The following CYP2F1 variants were observed in gnomAD, a reference collection of about 807,000 sequenced individuals.
CYP2F1 encodes cytochrome P450 2F1.
A neutral mutation model predicts 40.4 loss-of-function variants in CYP2F1; 33 were observed. That is an observed-to-expected ratio of 0.82 (90% CI 0.62 to 1.09). CYP2F1 has a LOEUF of 1.09. Among genes scored for constraint, CYP2F1 ranks in the 50% least tolerant of loss-of-function variants. The pLI, the probability that CYP2F1 is intolerant of heterozygous loss-of-function variation, is 0.00. For synonymous variants in CYP2F1, 235 were observed against 277.2 expected, an observed-to-expected ratio of 0.85 and a Z score of 1.51; for missense variants, 566 against 655.7, an observed-to-expected ratio of 0.86 and a Z score of 1.49.
At chr19:41,124,574 A>T in intron 7 of CYP2F1, 145 bp from the exon 8 acceptor site, 1 of 731,754 alleles carries the variant, frequency 1.4e-6, no homozygotes, top group Non-Finnish European at 2.2e-6. Flanking sequence ...GCTCTAGCTA[A>T]TTCTCACGTG....
intron 7 of CYP2F1, among the ~76,000 whole-genome samples, chr19:41,123,698 A>AT (rs2032366955): frequency 6.6e-6 from 1 of 151,616 alleles, no homozygotes; most frequent in Admixed American, 6.6e-5. Context: ...CTAATTTTTT[A>AT]TTTTTTGTAG....
At chr19:41,119,723 C>CTCTATATATA (rs1478574507) in intron 3 of CYP2F1, among the ~76,000 whole-genome samples, 8 of 35,812 alleles carry the variant, frequency 2.2e-4, no homozygotes, top group Admixed American at 4.3e-4. Flanking sequence ...CTCTCTCTCT[C>CTCTATATATA]TATATATATA....
chr19:41,119,723 C>CTCTATATA (rs1478574507), intron 3 of CYP2F1, among the ~76,000 whole-genome samples: 14 of 35,798 alleles, frequency 3.9e-4, no homozygotes, highest in Admixed American at 8.6e-4. Flanking sequence ...CTCTCTCTCT[C>CTCTATATA]TATATATATA....
Position 41,121,967 on chromosome 19 carries a change from T to C in CYP2F1, c.656T>C (p.Ile219Thr), listed in dbSNP as rs1027789538. 1 of 1,613,204 alleles carries C rather than the reference T, an allele frequency of 6.2e-7. No individual in the cohort carries two copies. The change falls in exon 6 of 10, where the codon ATC becomes ACC. Residue 219 changes from isoleucine to threonine, a missense_variant. Around this residue, in one of 5 missense-constraint regions of CYP2F1, gnomAD observed 264 missense variants for 275.7 expected, o/e 0.96. Coordinates refer to ENST00000331105, the MANE Select transcript of CYP2F1 (RefSeq NM_000774.5). The part of the protein sequence containing the change: ...MSSPWGELYD[I>T]FPSLLDWVPG... Reference sequence around the variant, plus strand: ...CTGTCTGGTCCCCAGTTGTACGACATCTTCCCGAGCCTCCTGGACTGGGTG... The same window carrying C: ...CTGTCTGGTCCCCAGTTGTACGACACCTTCCCGAGCCTCCTGGACTGGGTG...
chr19:41,117,929 A>C (rs2031920947), intron 3 of CYP2F1, among the ~76,000 whole-genome samples: 1 of 151,986 alleles, frequency 6.6e-6, no homozygotes, highest in African/African-American at 2.4e-5. Context: ...AGCTCACTGC[A>C]ATCTCCGCCT....
rs200901140 is a variant in CYP2F1 at position 41,116,390 on chromosome 19, A to G, written c.171+31A>G. 8 of 1,611,286 alleles carry G rather than the reference A, an allele frequency of 5.0e-6. No individual in the cohort carries two copies. The Admixed American group carries it at 1.2e-4, about 24-fold the overall frequency. ...AGGCCCTTAGCTTGGGTGATGGTGG[A>G]AGGATAAGGAGGAGGGGTCCCATGG... is the stretch of plus-strand genomic sequence containing the variant. On this transcript the variant is annotated intron_variant, in intron 2 of 9. Transcript: ENST00000331105.
chr19:41,116,836 C>G (rs768698647), intron 3 of CYP2F1, among the ~76,000 whole-genome samples: 2 of 152,020 alleles, frequency 1.3e-5, no homozygotes, highest in African/African-American at 4.8e-5. Flanking sequence ...TACTCTTGCA[C>G]CACTCCTCAT....
intron 1 of CYP2F1, 117 bp from the exon 2 acceptor site, chr19:41,116,061 T>A (rs2031776459): frequency 1.0e-6 from 1 of 961,024 alleles, no homozygotes; most frequent in Non-Finnish European, 1.5e-6. Context: ...GGCCTCTCCC[T>A]GTCTCCTTCT....
chr19:41,123,907 C>G (rs2144758899), intron 7 of CYP2F1, among the ~76,000 whole-genome samples: 1 of 152,200 alleles, frequency 6.6e-6, no homozygotes, highest in African/African-American at 2.4e-5. Context: ...CCCTGGAGCC[C>G]CAGCCATGTG....
chr19:41,119,502 A>C (rs2032009958), intron 3 of CYP2F1, among the ~76,000 whole-genome samples: 1 of 151,552 alleles, frequency 6.6e-6, no homozygotes, highest in African/African-American at 2.4e-5. Flanking sequence ...TAATCCCAGC[A>C]CTGTGGGAGG....
chr19:41,120,231 G>A (rs1024565541), intron 3 of CYP2F1, 116 bp from the exon 4 acceptor site: 8 of 1,050,810 alleles, frequency 7.6e-6, no homozygotes, highest in African/African-American at 1.6e-5. Context: ...ACTGGAAGGA[G>A]CCAGGGAGAT....
intron 3 of CYP2F1, among the ~76,000 whole-genome samples, chr19:41,119,012 T>A (rs1324339026): frequency 6.6e-6 from 1 of 151,862 alleles, no homozygotes; most frequent in Non-Finnish European, 1.5e-5. Flanking sequence ...CATCCCAGAG[T>A]GGTCCAGGCT....
chr19:41,116,565 GT>G lies in CYP2F1; in HGVS notation c.285del (p.Phe95LeufsTer30). On this transcript the variant is annotated frameshift_variant, in exon 3 of 10. Transcript: ENST00000331105. LOFTEE classifies it high-confidence loss of function. ...AGGCCCTGGTGGACCAGGGAGAGGA[GT>G]TTAGTGGCCGCGGTGACTACCCTGC... is the stretch of plus-strand genomic sequence containing the variant. ...KEALVDQGEEFSGRGDYPAFF... is the reference protein window; with the variant it reads ...KEALVDQGEEXSGRGDYPAFF... 1.2e-6 allele frequency: 2 copies of G among 1,614,050 alleles called. No individual in the cohort carries two copies.
At chr19:41,115,981 T>C (rs572988721) in intron 1 of CYP2F1, among the ~76,000 whole-genome samples, 197 bp from the exon 2 acceptor site, 3 of 152,180 alleles carry the variant, frequency 2.0e-5, no homozygotes, top group Admixed American at 2.0e-4. Context: ...TGTGTTTCTG[T>C]CTCCTTATCT....
At position 41,122,868 on chromosome 19, in the gene CYP2F1, TGAC is replaced by T; in HGVS notation, c.870_872del (p.Met290_Thr291delinsIle). 1 of 1,574,556 alleles carries T rather than the reference TGAC, an allele frequency of 6.4e-7. No individual in the cohort carries two copies. Among genetic ancestry groups the T allele is most frequent in the Non-Finnish European group, 8.6e-7 (1 of 1,157,738 alleles). ...CACTTCCACATGGATACCCTGCTGA[TGAC>T]CACACATAACCTGCTCTTTGGCGGC... is the stretch of plus-strand genomic sequence containing the variant. On this transcript the variant is annotated inframe_deletion, in exon 7 of 10. Coordinates refer to ENST00000331105, the MANE Select transcript of CYP2F1 (RefSeq NM_000774.5).
chr19:41,119,742 TATATATACACAC>T (rs1261399039), intron 3 of CYP2F1, among the ~76,000 whole-genome samples: 2 of 71,438 alleles, frequency 2.8e-5, no homozygotes, highest in African/African-American at 1.1e-4. Flanking sequence ...TATATATATA[TATATATACACAC>T]ACACACACAC....
intron 9 of CYP2F1, 143 bp from the exon 10 acceptor site, chr19:41,127,758 T>C: frequency 1.5e-6 from 1 of 675,030 alleles, no homozygotes. Context: ...TAAAGCATCT[T>C]TCCCAGTTCT....
At chr19:41,120,249 T>C in intron 3 of CYP2F1, 98 bp from the exon 4 acceptor site, 1 of 1,252,028 alleles carries the variant, frequency 8.0e-7, no homozygotes, top group Non-Finnish European at 1.1e-6. Flanking sequence ...GATTCCAAAC[T>C]CTGTCTCTCT....
chr19:41,126,399 T>C (rs1157459338), intron 9 of CYP2F1, among the ~76,000 whole-genome samples: 1 of 151,950 alleles, frequency 6.6e-6, no homozygotes, highest in Non-Finnish European at 1.5e-5. Flanking sequence ...CACTCCAGCC[T>C]GGGCAACAAG....
Sources: gnomAD v4.1 joint callset for allele counts (sites outside exome capture counted in the v4.1 genomes callset) on GRCh38, gnomAD v4.1.1 for gene constraint, gnomAD v4.1.1 regional missense constraint, MANE v1.5 for transcripts, NCBI Gene and HGNC (gene_info 2026-07-23, HGNC 2026-07-21) for gene names.